RNFT1: variants seen among roughly 807,000 people sequenced by gnomAD.
RNFT1 encodes the protein E3 ubiquitin-protein ligase RNFT1.
RNFT1 carries 35 observed loss-of-function variants against 53.2 expected under a neutral mutation model. The observed-to-expected ratio is 0.66, with a 90% CI of 0.50 to 0.87. The LOEUF (loss-of-function observed/expected upper bound fraction) is 0.87. Ranked by LOEUF, RNFT1 falls within the 40% of genes least tolerant of loss-of-function variation. RNFT1 has a pLI of 0.00. For synonymous variants in RNFT1, 141 were observed against 172.8 expected (o/e 0.82, Z 1.44); for missense variants, 421 against 515.0 (o/e 0.82, Z 1.77).
intron 7 of RNFT1, among the ~76,000 whole-genome samples, chr17:59,955,108 CTT>C (rs1223990675): frequency 1.3e-5 from 2 of 152,154 alleles, no homozygotes; most frequent in African/African-American, 4.8e-5. Flanking sequence ...TAAAGCATGA[CTT>C]AACATAGCTG....
At chr17:59,961,614 G>A (rs2045292817) in intron 3 of RNFT1, among the ~76,000 whole-genome samples, 1 of 150,810 alleles carries the variant, frequency 6.6e-6, no homozygotes, top group Admixed American at 6.6e-5. Context: ...GTCTCACTCT[G>A]TCGCCAGGCT....
chr17:59,955,923 T>C (rs1411729300), intron 7 of RNFT1, among the ~76,000 whole-genome samples: 2 of 152,124 alleles, frequency 1.3e-5, no homozygotes, highest in Admixed American at 6.5e-5. Flanking sequence ...GCAACATCAA[T>C]AGAATCACAC....
Position 59,964,674 on chromosome 17 carries a change from C to T in RNFT1, c.-11G>A, listed in dbSNP as rs1287659108. ...CAAGAACAGCGGCATACACCGCCTC[C>T]AGCCCTTCAGTCGGGGCCATCAACC... On this transcript the variant is annotated 5_prime_UTR_variant, in exon 1 of 9. Coordinates refer to ENST00000305783, the MANE Select transcript of RNFT1 (RefSeq NM_016125.4). 3.1e-6 allele frequency: 5 copies of T among 1,601,402 alleles called. No homozygotes were observed. Among genetic ancestry groups the T allele is most frequent in the Non-Finnish European group, 4.3e-6 (5 of 1,174,212 alleles).
In RNFT1 at chr17:59,956,508, G is replaced by T. The variant is rs764078416; in HGVS notation, c.1051C>A (p.Arg351=). ...CTTACTGGTTGTGTAAAAAATATTC[G>T]TAAAACCTGTCTGAAAGTTCTCAGA... The part of the protein sequence containing the change: ...GHLRTFRQVL[R]IFFTQPSYGV... The change falls in exon 7 of 9, where the codon CGA becomes AGA. Residue 351 remains arginine (R), a synonymous_variant. Transcript: ENST00000305783. The T allele has an allele frequency of 8.1e-6, 13 of 1,611,834 alleles. No individual in the cohort carries two copies. Among genetic ancestry groups the T allele is most frequent in the Admixed American group, 1.7e-5 (1 of 59,782 alleles).
rs2045303528 is a variant in RNFT1 at position 59,962,710 on chromosome 17, CAAT to C, written c.515-97_515-95del. On this transcript the variant is annotated intron_variant, in intron 2 of 8. Coordinates refer to ENST00000305783, the MANE Select transcript of RNFT1 (RefSeq NM_016125.4). ...GACACAAATTAAAAATAAACATATA[CAAT>C]AATAAAAGCTCACAGAAAATAAGTA... 8 of 1,325,996 alleles carry C rather than the reference CAAT, an allele frequency of 6.0e-6. No homozygotes were observed. In the Admixed American group the frequency reaches 1.6e-4, roughly 26 times the overall value. The allele number at this position is 1,325,996 out of a possible 1,614,324, so 82.1% of individuals were successfully genotyped here.
At chr17:59,964,566 C>G (rs1568548326) in intron 1 of RNFT1, 42 bp downstream of exon 1, 6 of 1,556,890 alleles carry the variant, frequency 3.9e-6, no homozygotes, top group Non-Finnish European at 5.2e-6. Flanking sequence ...GCGCCGCGGC[C>G]CCTCGCCGCC....
chr17:59,963,340 A>G, intron 1 of RNFT1, 56 bp from the exon 2 acceptor site: 1 of 1,437,418 alleles, frequency 7.0e-7, no homozygotes, highest in Non-Finnish European at 9.5e-7. Flanking sequence ...TACCAGCAGT[A>G]TATTCCTCAC....
At position 59,964,737 on chromosome 17, in the gene RNFT1, C is replaced by G; in HGVS notation, c.-74G>C. ...AGCTCTTCTCTCAGCCCGGCGGCAA[C>G]GGCGGCGGCGCGCGCGCTCCCCGGA... On this transcript the variant is annotated 5_prime_UTR_variant, in exon 1 of 9. Coordinates refer to ENST00000305783, the MANE Select transcript of RNFT1 (RefSeq NM_016125.4). The G allele has an allele frequency of 6.9e-7, 1 of 1,445,038 alleles. No homozygotes were observed. Among genetic ancestry groups the G allele is most frequent in the Non-Finnish European group, 9.2e-7 (1 of 1,083,364 alleles). 89.5% of individuals were successfully genotyped at this position (1,445,038 alleles called of 1,614,324 possible).
rs1307680699 is a variant in RNFT1, at chr17:59,963,208, G to A, written c.133C>T (p.Leu45=). The change falls in exon 2 of 9, where the codon CTG becomes TTG. Residue 45 remains leucine (L), a synonymous_variant. Transcript: ENST00000305783. ...LRAMQANRSQ[L]HSPPGTGSSE... ...CTTCCAGTTCCTGGAGGACTGTGCA[G>A]TTGGCTACGATTGGCTTGCATGGCC... is the stretch of plus-strand genomic sequence containing the variant. 3 of 1,614,148 alleles carry A rather than the reference G, an allele frequency of 1.9e-6. No individual in the cohort carries two copies. Among genetic ancestry groups the A allele is most frequent in the Non-Finnish European group, 2.5e-6 (3 of 1,180,044 alleles).
At position 59,964,726 on chromosome 17, in the gene RNFT1, C is replaced by A. The variant is rs1232947290; in HGVS notation, c.-63G>T. ...CAAACCCCGCAAGCTCTTCTCTCAGCCCGGCGGCAACGGCGGCGGCGCGCG... is the reference window on the plus strand; with the variant it reads ...CAAACCCCGCAAGCTCTTCTCTCAGACCGGCGGCAACGGCGGCGGCGCGCG... On this transcript the variant is annotated 5_prime_UTR_variant, in exon 1 of 9. Transcript: ENST00000305783. 19 of 1,495,078 alleles carry A rather than the reference C, an allele frequency of 1.3e-5. No homozygotes were observed. The highest frequency in any genetic ancestry group is 9.0e-7 in the Non-Finnish European group (1 of 1,117,000). 92.6% of individuals were successfully genotyped at this position (1,495,078 alleles called of 1,614,324 possible).
chr17:59,957,534 G>T, intron 5 of RNFT1, 152 bp from the exon 6 acceptor site: 1 of 591,684 alleles, frequency 1.7e-6, no homozygotes, highest in Non-Finnish European at 2.7e-6. Flanking sequence ...ACCTCAAGCT[G>T]GTTCTCACAT....
In RNFT1 at chr17:59,953,031, G is replaced by A; in HGVS notation, c.1254C>T (p.Asp418=). ...TCPLCRTVIS[D]HINKWKDGAT... ...CTCCATCCTTCCATTTGTTTATATG[G>A]TCTGAAATCACAGTTCTGCAGAGTG... The change falls in exon 9 of 9, where the codon GAC becomes GAT. Residue 418 remains aspartate (D), a synonymous_variant. Coordinates refer to ENST00000305783, the MANE Select transcript of RNFT1 (RefSeq NM_016125.4). 1 of 1,613,298 alleles carries A rather than the reference G, an allele frequency of 6.2e-7. No individual in the cohort carries two copies. Among genetic ancestry groups the A allele is most frequent in the Non-Finnish European group, 8.5e-7 (1 of 1,179,458 alleles).
intron 6 of RNFT1, 63 bp from the exon 7 acceptor site, chr17:59,956,616 C>T: frequency 8.1e-7 from 1 of 1,237,226 alleles, no homozygotes. Context: ...AACCCAAAAA[C>T]CAAAGCTGAA....
intron 7 of RNFT1, 144 bp from the exon 8 acceptor site, chr17:59,954,290 A>G (rs2045240669): frequency 1.6e-6 from 1 of 608,932 alleles, no homozygotes; most frequent in Non-Finnish European, 2.9e-6. Context: ...CTCAAAGCTG[A>G]GCCATATACA....
chr17:59,953,142 T>C (rs2045231971), intron 8 of RNFT1, 31 bp from the exon 9 acceptor site: 4 of 1,542,918 alleles, frequency 2.6e-6, no homozygotes, highest in South Asian at 1.1e-5. Context: ...AGATTTGATA[T>C]TTGATAATCA....
At chr17:59,953,162 C>A in intron 8 of RNFT1, 51 bp from the exon 9 acceptor site, 2 of 1,417,296 alleles carry the variant, frequency 1.4e-6, no homozygotes, top group Admixed American at 1.8e-5. Context: ...ATTTTAAATC[C>A]ATCACATTGT....
intron 1 of RNFT1, among the ~76,000 whole-genome samples, chr17:59,963,669 T>C (rs566326342): frequency 4.1e-4 from 62 of 152,314 alleles, no homozygotes; most frequent in African/African-American, 1.5e-3. Context: ...ATGTAGATTC[T>C]ACATCAAAGA....
chr17:59,964,251 A>C (rs1239485257), intron 1 of RNFT1, among the ~76,000 whole-genome samples: 4 of 152,172 alleles, frequency 2.6e-5, no homozygotes, highest in African/African-American at 9.7e-5. Context: ...TTTCACTCCC[A>C]GGACTGAACA....
chr17:59,962,850 T>C lies in RNFT1; in HGVS notation c.491A>G (p.Lys164Arg). Residue 164 changes from lysine to arginine, a missense_variant, in exon 2 of 9, where the codon AAA becomes AGA. Coordinates refer to ENST00000305783, the MANE Select transcript of RNFT1 (RefSeq NM_016125.4). ...SLPYILILSVKLVMQHITGIS... is the reference protein window; with the variant it reads ...SLPYILILSVRLVMQHITGIS... ...ACCTGTTATATGCTGCATAACAAGT[T>C]TGACGCTCAGAATCAAAATATATGG... is the stretch of plus-strand genomic sequence containing the variant. The C allele has an allele frequency of 6.2e-7, 1 of 1,612,200 alleles. No homozygotes were observed. The highest frequency in any genetic ancestry group is 8.5e-7 in the Non-Finnish European group (1 of 1,178,282).
Sources: allele counts gnomAD v4.1 joint callset (sites outside exome capture counted in the v4.1 genomes callset), GRCh38; gene constraint gnomAD v4.1.1; transcripts MANE v1.5; gene names NCBI Gene and HGNC (gene_info 2026-07-23, HGNC 2026-07-21).